The following ARHGAP23 variants were observed in gnomAD, a reference collection of about 807,000 sequenced individuals.
ARHGAP23 encodes Rho GTPase activating protein 23, also known as rho GTPase-activating protein 23.
ARHGAP23 carries 34 observed loss-of-function variants against 136.3 expected under a neutral mutation model. That is an observed-to-expected ratio of 0.25 (90% confidence interval 0.19 to 0.33). The LOEUF (loss-of-function observed/expected upper bound fraction) is 0.33, where lower values mean the gene tolerates loss of function less well. Ranked by LOEUF, ARHGAP23 falls within the 10% of genes least tolerant of loss-of-function variation. ARHGAP23 has a pLI of 1.00. For missense variants in ARHGAP23, 1,808 were observed against 2,139.0 expected (o/e 0.85, Z 3.05); for synonymous variants, 832 against 920.5 (o/e 0.90, Z 1.74).
Position 38,466,574 on chromosome 17 carries a change from C to T in ARHGAP23, c.891C>T (p.Pro297=). The part of the protein sequence containing the change: ...ALSHWLSNQV[P]RRAGERRCPA... ...CACACTGGCTGTCAAACCAGGTACC[C>T]CGCCGGGCGGGGGAGAGACGGTGCC... is the stretch of plus-strand genomic sequence containing the variant. The change falls in exon 7 of 24, where the codon CCC becomes CCT. Residue 297 remains proline (P), a synonymous_variant. Transcript: ENST00000622683. 1.3e-6 allele frequency: 2 copies of T among 1,494,078 alleles called. No individual in the cohort carries two copies. The highest frequency in any genetic ancestry group is 1.8e-6 in the Non-Finnish European group (2 of 1,127,210). 92.6% of individuals were successfully genotyped at this position (1,494,078 alleles called of 1,614,324 possible).
At chr17:38,509,485 T>G (rs937266496) in intron 23 of ARHGAP23, among the ~76,000 whole-genome samples, 3 of 151,040 alleles carry the variant, frequency 2.0e-5, no homozygotes, top group Non-Finnish European at 3.0e-5. Flanking sequence ...TGGCAGCGGG[T>G]GGAGAGGAGG....
intron 1 of ARHGAP23, among the ~76,000 whole-genome samples, chr17:38,438,754 T>A (rs1396667465): frequency 1.3e-5 from 2 of 150,152 alleles, no homozygotes; most frequent in African/African-American, 4.9e-5. Flanking sequence ...GAGGCTGAGG[T>A]GGGCGGATCA....
intron 11 of ARHGAP23, among the ~76,000 whole-genome samples, chr17:38,474,845 C>A (rs1268923592): frequency 6.6e-6 from 1 of 152,182 alleles, no homozygotes; most frequent in Non-Finnish European, 1.5e-5. Context: ...CAAGGAGGGA[C>A]CAGCCATGTG....
chr17:38,430,456 T>A (rs2038662481), intron 1 of ARHGAP23, among the ~76,000 whole-genome samples: 1 of 151,942 alleles, frequency 6.6e-6, no homozygotes, highest in African/African-American at 2.4e-5. Flanking sequence ...AGTGCAGCAT[T>A]CTTGGCATGG....
intron 20 of ARHGAP23, chr17:38,491,837 A>G: frequency 2.5e-6 from 1 of 402,444 alleles, no homozygotes; most frequent in Non-Finnish European, 4.6e-6. Context: ...GGAAGGTGCT[A>G]CTGGTGGAGG....
intron 14 of ARHGAP23, among the ~76,000 whole-genome samples, chr17:38,481,054 C>A (rs1422230557): frequency 6.6e-6 from 1 of 152,128 alleles, no homozygotes. Context: ...CAGCTCATTG[C>A]AACCTCCACC....
intron 1 of ARHGAP23, among the ~76,000 whole-genome samples, chr17:38,433,862 G>A (rs1449347368): frequency 6.6e-6 from 1 of 152,194 alleles, no homozygotes; most frequent in Non-Finnish European, 1.5e-5. Flanking sequence ...TGGTGGCCGA[G>A]GGACAGAGAG....
intron 2 of ARHGAP23, 46 bp downstream of exon 2, chr17:38,458,309 G>C (rs1348050338): frequency 6.8e-7 from 1 of 1,460,988 alleles, no homozygotes; most frequent in Non-Finnish European, 9.0e-7. Context: ...GCTTTCATGA[G>C]GGAGGGAGAC....
chr17:38,489,399 ATCT>A (rs2040223547), intron 17 of ARHGAP23, among the ~76,000 whole-genome samples: 1 of 118,634 alleles, frequency 8.4e-6, no homozygotes, highest in African/African-American at 3.3e-5. Context: ...TCCCGGGGAC[ATCT>A]GTTGAGGCCC....
In ARHGAP23 at chr17:38,479,752, G is replaced by C; in HGVS notation, c.2499-1G>C. 6.8e-7 allele frequency: 1 copy of C among 1,478,150 alleles called. No individual in the cohort carries two copies. Among genetic ancestry groups the C allele is most frequent in the Non-Finnish European group, 9.0e-7 (1 of 1,112,466 alleles). 91.6% of individuals were successfully genotyped at this position (1,478,150 alleles called of 1,614,324 possible). ...CTCCTCTCCCCCTTTTTCCTACACAGCCATAGCTCTGGGCCCAAAGCTGAT... is the reference window on the plus strand; with the variant it reads ...CTCCTCTCCCCCTTTTTCCTACACACCCATAGCTCTGGGCCCAAAGCTGAT... On this transcript the variant is annotated splice_acceptor_variant, in intron 13 of 23. Coordinates refer to ENST00000622683, the MANE Select transcript of ARHGAP23 (RefSeq NM_001199417.2). LOFTEE classifies it high-confidence loss of function.
chr17:38,470,404 C>T (rs918659280), intron 10 of ARHGAP23, among the ~76,000 whole-genome samples: 1 of 152,194 alleles, frequency 6.6e-6, no homozygotes, highest in African/African-American at 2.4e-5. Context: ...ATTTGCATCG[C>T]GTCTTGTCTT....
intron 6 of ARHGAP23, among the ~76,000 whole-genome samples, chr17:38,465,171 G>A (rs924124439): frequency 6.6e-6 from 1 of 151,702 alleles, no homozygotes; most frequent in African/African-American, 2.4e-5. Flanking sequence ...CGGCGGGATG[G>A]CAGGAGGGAG....
chr17:38,477,382 A>G lies in ARHGAP23; in HGVS notation c.2119-197A>G, dbSNP rs868098397. On this transcript the variant is annotated intron_variant, in intron 11 of 23. Transcript: ENST00000622683. This position sits in a 1 kb window ranked among gnomAD's most constrained non-coding sequence, Gnocchi z 6.6. ...TTTAGGATGATGGGTAGGGGTGTCT[A>G]GGCAGGCAAGGGGCTGAGAAGGCAT... Among the ~76,000 whole-genome samples, 25 of 151,946 alleles carry G rather than the reference A, an allele frequency of 1.6e-4. 1 individual carries two copies. The highest frequency in any genetic ancestry group is 5.3e-4 in the African/African-American group (22 of 41,422).
At chr17:38,438,682 G>A (rs1282940489) in intron 1 of ARHGAP23, among the ~76,000 whole-genome samples, 2 of 151,584 alleles carry the variant, frequency 1.3e-5, no homozygotes, top group Non-Finnish European at 2.9e-5. Context: ...TGGAAGGGTA[G>A]GATAAGAGTG....
chr17:38,479,708 C>A, intron 13 of ARHGAP23, 45 bp from the exon 14 acceptor site: 3 of 1,462,418 alleles, frequency 2.1e-6, no homozygotes, highest in Non-Finnish European at 2.7e-6. Flanking sequence ...GCCTGCTTGG[C>A]CACCCCAAAT....
intron 1 of ARHGAP23, among the ~76,000 whole-genome samples, chr17:38,431,025 A>G (rs1429056721): frequency 6.6e-6 from 1 of 152,138 alleles, no homozygotes. Flanking sequence ...CATAGCCAAT[A>G]TTGCAGCCCA....
At chr17:38,448,223 G>A (rs1157751319) in intron 1 of ARHGAP23, among the ~76,000 whole-genome samples, 1 of 152,198 alleles carries the variant, frequency 6.6e-6, no homozygotes, top group Admixed American at 6.5e-5. Context: ...GGCTGGCAGT[G>A]GGAGGTGGGG....
intron 23 of ARHGAP23, among the ~76,000 whole-genome samples, chr17:38,502,131 C>T (rs1045249757): frequency 7.2e-5 from 11 of 152,044 alleles, no homozygotes; most frequent in African/African-American, 2.7e-4. Flanking sequence ...TGGTGAAACC[C>T]CATCTCTACT....
At chr17:38,454,265 G>T in intron 1 of ARHGAP23, 1 of 152,714 alleles carries the variant, frequency 6.5e-6, no homozygotes. Context: ...TGATGCCCCT[G>T]GAACGGGGAG....
Sources: gnomAD v4.1 joint callset for allele counts (sites outside exome capture counted in the v4.1 genomes callset) on GRCh38, gnomAD v4.1.1 for gene constraint, Gnocchi (gnomAD v3.1) non-coding constraint, MANE v1.5 for transcripts, NCBI Gene and HGNC (gene_info 2026-07-23, HGNC 2026-07-21) for gene names.